The following NYAP2 variants were observed in gnomAD, a reference collection of about 807,000 sequenced individuals.
NYAP2 encodes neuronal tyrosine-phosphorylated phosphoinositide-3-kinase adapter 2.
NYAP2 carries 23 observed loss-of-function variants against 50.4 expected under a neutral mutation model. The observed-to-expected ratio is 0.46, with a 90% confidence interval of 0.33 to 0.65. NYAP2 has a LOEUF of 0.65. NYAP2 is among the 30% of genes least tolerant of loss of function. NYAP2 has a pLI of 0.02. For missense variants in NYAP2, 885 were observed against 861.0 expected (o/e 1.03, Z -0.35); for synonymous variants, 394 against 365.2 (o/e 1.08, Z -0.90).
intron 3 of NYAP2, among the ~76,000 whole-genome samples, chr2:225,502,152 G>C (rs1690618728): frequency 6.6e-6 from 1 of 152,168 alleles, no homozygotes. Flanking sequence ...GCATTTAGAA[G>C]GATAAATCTG....
At chr2:225,547,648 C>G (rs561095935) in intron 4 of NYAP2, among the ~76,000 whole-genome samples, 2 of 152,312 alleles carry the variant, frequency 1.3e-5, no homozygotes, top group Admixed American at 6.5e-5. Context: ...TCTGCCAAGT[C>G]CACGGATTCT....
intron 3 of NYAP2, among the ~76,000 whole-genome samples, chr2:225,411,727 C>T (rs926964000): frequency 6.6e-6 from 1 of 151,928 alleles, no homozygotes; most frequent in African/African-American, 2.4e-5. Flanking sequence ...AGTATGATGC[C>T]TTAGAGTGAA....
At chr2:225,412,789 A>G (rs1695069262) in intron 3 of NYAP2, among the ~76,000 whole-genome samples, 1 of 152,136 alleles carries the variant, frequency 6.6e-6, no homozygotes, top group Non-Finnish European at 1.5e-5. Context: ...ATAGCGGGCT[A>G]GGAAAGTAAA....
the NYAP2 span, among the ~76,000 whole-genome samples, chr2:225,670,223 G>A: frequency 6.6e-6 from 1 of 152,110 alleles, no homozygotes; most frequent in East Asian, 1.9e-4. Context: ...ACAGCCATCT[G>A]GTTCTCATCT....
intron 4 of NYAP2, among the ~76,000 whole-genome samples, chr2:225,515,167 G>C (rs1690905497): frequency 6.6e-6 from 1 of 152,150 alleles, no homozygotes; most frequent in Non-Finnish European, 1.5e-5. Flanking sequence ...AACTCCTGTG[G>C]CTTCAGTTTT....
At chr2:225,589,463 A>C (rs1449781279) in intron 5 of NYAP2, among the ~76,000 whole-genome samples, 1 of 147,540 alleles carries the variant, frequency 6.8e-6, no homozygotes, top group African/African-American at 2.5e-5. Context: ...TGAGGTCAGG[A>C]TATCATGAAC....
intron 3 of NYAP2, among the ~76,000 whole-genome samples, chr2:225,422,723 G>T (rs1695234887): frequency 6.6e-6 from 1 of 152,138 alleles, no homozygotes; most frequent in South Asian, 2.1e-4. Flanking sequence ...TCACTGTAGT[G>T]TAGAGATATC....
At chr2:225,426,377 A>G (rs995338553) in intron 3 of NYAP2, among the ~76,000 whole-genome samples, 4 of 152,180 alleles carry the variant, frequency 2.6e-5, no homozygotes, top group African/African-American at 9.7e-5. Context: ...ATGAAAACAT[A>G]AAAGAGAATC....
At chr2:225,611,968 C>T (rs941650092) in intron 5 of NYAP2, among the ~76,000 whole-genome samples, 2 of 150,204 alleles carry the variant, frequency 1.3e-5, no homozygotes, top group African/African-American at 4.9e-5. Context: ...TATAAAAAAT[C>T]AATCCAAAAA....
chr2:225,663,143 A>G, the NYAP2 span, among the ~76,000 whole-genome samples: 3 of 152,182 alleles, frequency 2.0e-5, no homozygotes, highest in African/African-American at 7.2e-5. Flanking sequence ...CACTAGGGAG[A>G]AGCAAGATGG....
chr2:225,466,085 T>C (rs1689914013), intron 3 of NYAP2, among the ~76,000 whole-genome samples: 1 of 152,194 alleles, frequency 6.6e-6, no homozygotes. Flanking sequence ...CTTGAGCACT[T>C]TGCAACTCCT....
At chr2:225,607,128 G>A (rs1692799927) in intron 5 of NYAP2, among the ~76,000 whole-genome samples, 1 of 152,092 alleles carries the variant, frequency 6.6e-6, no homozygotes. Flanking sequence ...TGAGAAAACA[G>A]TGTATATAAT....
At chr2:225,542,586 A>G (rs1691496034) in intron 4 of NYAP2, among the ~76,000 whole-genome samples, 1 of 152,190 alleles carries the variant, frequency 6.6e-6, no homozygotes, top group Non-Finnish European at 1.5e-5. Flanking sequence ...TGATTTGCAT[A>G]TGTTGAGCCA....
At chr2:225,509,340 A>G (rs1462483824) in intron 3 of NYAP2, among the ~76,000 whole-genome samples, 1 of 152,190 alleles carries the variant, frequency 6.6e-6, no homozygotes, top group Admixed American at 6.6e-5. Context: ...CCCATTGCAT[A>G]AAATCAGCCT....
chr2:225,654,721 C>T (rs558237131), downstream of NYAP2, among the ~76,000 whole-genome samples: 1 of 152,166 alleles, frequency 6.6e-6, no homozygotes, highest in South Asian at 2.1e-4. Flanking sequence ...ATAAAACAAA[C>T]AAAATCAGTC....
At chr2:225,495,507 A>G (rs1690488025) in intron 3 of NYAP2, among the ~76,000 whole-genome samples, 1 of 152,112 alleles carries the variant, frequency 6.6e-6, no homozygotes, top group Non-Finnish European at 1.5e-5. Flanking sequence ...TGTAGCATCA[A>G]TCTTAATCAC....
At chr2:225,502,284 A>G (rs938070514) in intron 3 of NYAP2, among the ~76,000 whole-genome samples, 1 of 152,332 alleles carries the variant, frequency 6.6e-6, no homozygotes, top group East Asian at 1.9e-4. Flanking sequence ...TGATCTCTGC[A>G]TTCAGATTAC....
chr2:225,500,310 A>G (rs1404998262), intron 3 of NYAP2, among the ~76,000 whole-genome samples: 1 of 152,244 alleles, frequency 6.6e-6, no homozygotes, highest in African/African-American at 2.4e-5. Context: ...AGTTGCATTC[A>G]TTATTTAGAA....
intron 4 of NYAP2, among the ~76,000 whole-genome samples, chr2:225,578,151 T>C (rs1692200718): frequency 6.6e-6 from 1 of 152,056 alleles, no homozygotes; most frequent in African/African-American, 2.4e-5. Context: ...CAGGCTGGTC[T>C]CGAACTCCTG....
Sources: allele counts gnomAD v4.1 joint callset (sites outside exome capture counted in the v4.1 genomes callset), GRCh38; gene constraint gnomAD v4.1.1; transcripts MANE v1.5; gene names NCBI Gene and HGNC (gene_info 2026-07-23, HGNC 2026-07-21).